FBXL17: variants seen among roughly 807,000 people sequenced by gnomAD.
FBXL17 encodes the protein F-box/LRR-repeat protein 17.
A neutral mutation model predicts 66.2 loss-of-function variants in FBXL17; 22 were observed. That is an observed-to-expected ratio of 0.33 (90% CI 0.24 to 0.47). FBXL17 has a LOEUF of 0.47. Among genes scored for constraint, FBXL17 ranks in the 20% least tolerant of loss-of-function variants. The pLI, the probability that FBXL17 is intolerant of heterozygous loss-of-function variation, is 1.00. For synonymous variants in FBXL17, 474 were observed against 400.5 expected (o/e 1.18, Z -2.19); for missense variants, 878 against 948.2 (o/e 0.93, Z 0.97).
In FBXL17 at chr5:108,302,150, TA is replaced by T. The variant is rs1012153566; in HGVS notation, c.1506+46248del. ...AAATACATATGTCATCCAATGCAACTAAATTGATATATCCAAGGATAAACAA... is the reference window on the plus strand; with the variant it reads ...AAATACATATGTCATCCAATGCAACTAATTGATATATCCAAGGATAAACAA... On this transcript the variant is annotated intron_variant, in intron 4 of 8. Transcript: ENST00000542267. 5.7e-4 allele frequency: 148 copies of T among 261,850 alleles called. 2 individuals are homozygous for T. Among genetic ancestry groups the T allele is most frequent in the African/African-American group, 3.2e-3 (141 of 43,474 alleles). The allele number at this position is 261,850 out of a possible 1,614,324, so 16.2% of individuals were successfully genotyped here. A position where few individuals can be genotyped will look rare whatever the true frequency, so the allele number is the denominator to read the frequency against.
At chr5:108,290,690 C>T (rs1001080038) in intron 4 of FBXL17, among the ~76,000 whole-genome samples, 1 of 152,222 alleles carries the variant, frequency 6.6e-6, no homozygotes, top group African/African-American at 2.4e-5. Flanking sequence ...TAACACTGAT[C>T]TCCATTTATT....
intron 4 of FBXL17, among the ~76,000 whole-genome samples, chr5:108,302,241 C>T (rs1196928699): frequency 6.6e-6 from 1 of 151,742 alleles, no homozygotes; most frequent in African/African-American, 2.4e-5. Flanking sequence ...AAAGTCATCA[C>T]TAGTCAAAAA....
chr5:108,376,958 A>ATG (rs1749469424), intron 1 of FBXL17, among the ~76,000 whole-genome samples: 1 of 152,006 alleles, frequency 6.6e-6, no homozygotes, highest in Non-Finnish European at 1.5e-5. Context: ...GCCTTTTAAC[A>ATG]TGTCTGGCCC....
chr5:108,093,423 T>C (rs1023360880), intron 6 of FBXL17, among the ~76,000 whole-genome samples: 5 of 152,166 alleles, frequency 3.3e-5, no homozygotes, highest in Admixed American at 2.6e-4. Flanking sequence ...CAAAACTTTA[T>C]GAGGAACCAT....
intron 4 of FBXL17, among the ~76,000 whole-genome samples, chr5:108,289,829 T>C (rs985923400): frequency 4.6e-5 from 7 of 152,158 alleles, no homozygotes; most frequent in Non-Finnish European, 8.8e-5. Flanking sequence ...GCAACTATCA[T>C]GTGACTTACA....
Position 108,381,159 on chromosome 5 carries a change from A to G in FBXL17, c.533T>C (p.Leu178Pro). The change falls in exon 1 of 9, where the codon CTC becomes CCC. Residue 178 changes from leucine to proline, a missense_variant. Physicochemically the swap from Leu to Pro is moderately conservative, Grantham distance 98. This residue lies in a region of FBXL17 where 605 missense variants were observed against 509.5 expected (regional missense o/e 1.19). Coordinates refer to ENST00000542267, the MANE Select transcript of FBXL17 (RefSeq NM_001163315.3). ...CGGTGACGGTGTCGGCCCCCGGAAG[A>G]GCTGCACGGCGGCGGGCGGCCCCAG... ...RFLGPPAAVQ[L>P]FRGPTPSPAE... 7.0e-7 allele frequency: 1 copy of G among 1,419,396 alleles called. No individual in the cohort carries two copies. The highest frequency in any genetic ancestry group is 9.2e-7 in the Non-Finnish European group (1 of 1,088,740). The allele number at this position is 1,419,396 out of a possible 1,614,324, so 87.9% of individuals were successfully genotyped here.
intron 7 of FBXL17, among the ~76,000 whole-genome samples, chr5:107,990,921 A>G (rs1477526039): frequency 6.6e-6 from 1 of 152,088 alleles, no homozygotes; most frequent in Non-Finnish European, 1.5e-5. Context: ...TAACCATCCA[A>G]TTTTATCCTT....
intron 7 of FBXL17, among the ~76,000 whole-genome samples, chr5:107,980,332 G>T (rs1752759078): frequency 6.6e-6 from 1 of 151,962 alleles, no homozygotes; most frequent in South Asian, 2.1e-4. Context: ...GAGTTGTCAT[G>T]ACTACCCTTC....
At chr5:108,249,203 A>G (rs1477831383) in intron 4 of FBXL17, among the ~76,000 whole-genome samples, 3 of 152,028 alleles carry the variant, frequency 2.0e-5, no homozygotes, top group Non-Finnish European at 4.4e-5. Flanking sequence ...CTTGGCCTAG[A>G]GACCTGTCTA....
chr5:108,036,171 C>A (rs927832612), intron 6 of FBXL17, among the ~76,000 whole-genome samples: 31 of 152,020 alleles, frequency 2.0e-4, no homozygotes, highest in African/African-American at 6.8e-4. Flanking sequence ...AATGTTGGCC[C>A]CATCTATTAT....
At position 107,959,980 on chromosome 5, in the gene FBXL17, C is replaced by T. The variant is rs201039971; in HGVS notation, c.1822+60945G>A. On this transcript the variant is annotated intron_variant, in intron 7 of 8. Transcript: ENST00000542267. ...TAAAATTAATCTACGTACTTTCCTT[C>T]CCACGTGACACAGAAGTCCCAGGGC... 1.4e-4 allele frequency among the ~76,000 whole-genome samples: 22 copies of T among 152,272 alleles called. No homozygotes were observed. The East Asian group carries it at 3.9e-3, about 27-fold the overall frequency.
At chr5:107,863,700 A>G (rs966863446) in intron 8 of FBXL17, among the ~76,000 whole-genome samples, 3 of 152,224 alleles carry the variant, frequency 2.0e-5, no homozygotes, top group African/African-American at 7.2e-5. Context: ...GAATGCTAAA[A>G]CAAATACAAA....
intron 7 of FBXL17, among the ~76,000 whole-genome samples, chr5:107,909,646 A>G (rs570881291): frequency 1.3e-5 from 2 of 152,294 alleles, no homozygotes; most frequent in Admixed American, 1.3e-4. Context: ...TTTTTGCCTG[A>G]GGGATTTTTC....
intron 4 of FBXL17, among the ~76,000 whole-genome samples, chr5:108,239,624 T>A (rs1455569927): frequency 2.0e-5 from 3 of 152,070 alleles, no homozygotes; most frequent in Non-Finnish European, 4.4e-5. Flanking sequence ...TGAAAGGCAG[T>A]CTATGCCACA....
intron 4 of FBXL17, among the ~76,000 whole-genome samples, chr5:108,281,057 A>G (rs1757683741): frequency 6.6e-6 from 1 of 151,916 alleles, no homozygotes; most frequent in African/African-American, 2.4e-5. Flanking sequence ...AGAGACAGAT[A>G]GCAATACAAT....
At chr5:108,008,264 C>T (rs189762323) in intron 7 of FBXL17, among the ~76,000 whole-genome samples, 89 of 152,302 alleles carry the variant, frequency 5.8e-4, no homozygotes, top group Admixed American at 2.7e-3. Context: ...GAAGATATCA[C>T]TTAATCTGTT....
At chr5:107,894,896 C>T (rs1178957185) in intron 7 of FBXL17, among the ~76,000 whole-genome samples, 1 of 151,840 alleles carries the variant, frequency 6.6e-6, no homozygotes, top group Non-Finnish European at 1.5e-5. Context: ...TTTTATGAAA[C>T]CTTTAATAAT....
intron 4 of FBXL17, among the ~76,000 whole-genome samples, chr5:108,328,679 A>G (rs747402247): frequency 1.4e-4 from 21 of 151,498 alleles, no homozygotes; most frequent in Non-Finnish European, 2.7e-4. Flanking sequence ...ACTTTTCTAT[A>G]TTATTAGAAT....
At chr5:107,898,851 T>A (rs1749473370) in intron 7 of FBXL17, among the ~76,000 whole-genome samples, 1 of 152,238 alleles carries the variant, frequency 6.6e-6, no homozygotes, top group African/African-American at 2.4e-5. Flanking sequence ...TGCCACATTT[T>A]CTTTATCCAG....
Sources: gnomAD v4.1 joint callset for allele counts (sites outside exome capture counted in the v4.1 genomes callset) on GRCh38, gnomAD v4.1.1 for gene constraint, gnomAD v4.1.1 regional missense constraint, MANE v1.5 for transcripts, NCBI Gene and HGNC (gene_info 2026-07-23, HGNC 2026-07-21) for gene names.